The following RNF24 variants were observed in gnomAD, a reference collection of about 807,000 sequenced individuals.
The protein encoded by RNF24 is ring finger protein 24.
Under a neutral mutation model 20.0 loss-of-function variants are expected in RNF24, and 14 were observed. The observed-to-expected ratio is 0.70, with a 90% CI of 0.46 to 1.10. The LOEUF is 1.10. Among genes scored for constraint, RNF24 ranks in the 50% least tolerant of loss-of-function variants. The pLI is 0.00. For missense variants in RNF24, 124 were observed against 177.6 expected (o/e 0.70, Z 1.71); for synonymous variants, 45 against 61.1 (o/e 0.74, Z 1.23).
chr20:4,001,128 G>A (rs961499256), intron 1 of RNF24, among the ~76,000 whole-genome samples: 9 of 152,054 alleles, frequency 5.9e-5, no homozygotes, highest in Non-Finnish European at 1.3e-4. Context: ...TTAGCCGGGC[G>A]TGGTGGCGTG....
chr20:3,953,899 G>C (rs533423886), intron 2 of RNF24, among the ~76,000 whole-genome samples: 113 of 151,258 alleles, frequency 7.5e-4, no homozygotes, highest in African/African-American at 2.5e-3. Flanking sequence ...TGAGAATACA[G>C]GTGTGTGCCA....
chr20:3,992,023 G>C (rs1290756742), intron 1 of RNF24, among the ~76,000 whole-genome samples: 1 of 152,062 alleles, frequency 6.6e-6, no homozygotes, highest in Non-Finnish European at 1.5e-5. Flanking sequence ...TGTACTCCTT[G>C]AGCGCAGAAT....
chr20:3,991,841 A>G (rs1778188993), intron 1 of RNF24, among the ~76,000 whole-genome samples: 1 of 152,116 alleles, frequency 6.6e-6, no homozygotes, highest in Non-Finnish European at 1.5e-5. Context: ...TATCTCTCGA[A>G]TGACAGTAAA....
At chr20:3,989,246 C>CT in intron 1 of RNF24, among the ~76,000 whole-genome samples, 1 of 152,226 alleles carries the variant, frequency 6.6e-6, no homozygotes, top group Middle Eastern at 3.4e-3. Context: ...AATCCCAGCA[C>CT]TTTAGGAGGC....
At chr20:3,980,264 C>T (rs1012272002) in intron 1 of RNF24, among the ~76,000 whole-genome samples, 2 of 152,224 alleles carry the variant, frequency 1.3e-5, no homozygotes, top group African/African-American at 4.8e-5. Context: ...GATAAGTAGT[C>T]TGCTATGTAC....
intron 1 of RNF24, among the ~76,000 whole-genome samples, chr20:4,006,241 T>C (rs1981859785): frequency 6.6e-6 from 1 of 152,034 alleles, no homozygotes; most frequent in African/African-American, 2.4e-5. Context: ...TGGTGGCGCA[T>C]GCCTGTAATC....
intron 1 of RNF24, among the ~76,000 whole-genome samples, chr20:4,006,579 A>C (rs1037280328): frequency 6.6e-6 from 1 of 152,240 alleles, no homozygotes; most frequent in Admixed American, 6.5e-5. Context: ...ACTACAGTTC[A>C]TTGCAACTTT....
chr20:3,996,884 T>C (rs189583718), intron 1 of RNF24, among the ~76,000 whole-genome samples: 22 of 152,216 alleles, frequency 1.4e-4, no homozygotes, highest in Middle Eastern at 3.4e-3. Flanking sequence ...CCTGATGCCA[T>C]GAAGCTCCAT....
chr20:3,950,965 T>A (rs546821075), intron 2 of RNF24, among the ~76,000 whole-genome samples: 4 of 152,188 alleles, frequency 2.6e-5, no homozygotes, highest in Admixed American at 6.5e-5. Context: ...ATTTTTTGTT[T>A]GTTTTTTGGA....
intron 1 of RNF24, among the ~76,000 whole-genome samples, chr20:4,006,159 C>T (rs1466620439): frequency 1.3e-5 from 2 of 152,006 alleles, no homozygotes; most frequent in Admixed American, 6.5e-5. Context: ...GGTAGAACAC[C>T]TGAGGTCAAG....
At chr20:3,992,801 AAAGGC>A (rs1980560741) in intron 1 of RNF24, among the ~76,000 whole-genome samples, 1 of 152,228 alleles carries the variant, frequency 6.6e-6, no homozygotes, top group Non-Finnish European at 1.5e-5. Flanking sequence ...TCCAAAGCAA[AAAGGC>A]TAGACATTGG....
At chr20:3,948,567 T>C (rs1026148778) in intron 2 of RNF24, among the ~76,000 whole-genome samples, 8 of 152,112 alleles carry the variant, frequency 5.3e-5, no homozygotes, top group Non-Finnish European at 8.8e-5. Context: ...TTAGAAAAAA[T>C]TTAAGTATAA....
chr20:3,955,199 G>A (rs1252562442), intron 2 of RNF24, among the ~76,000 whole-genome samples: 1 of 152,022 alleles, frequency 6.6e-6, no homozygotes, highest in Non-Finnish European at 1.5e-5. Flanking sequence ...TTTTAAATTG[G>A]GTTGTCTTTT....
At chr20:3,979,814 T>C (rs978472824) in intron 1 of RNF24, among the ~76,000 whole-genome samples, 5 of 152,170 alleles carry the variant, frequency 3.3e-5, no homozygotes, top group African/African-American at 1.2e-4. Context: ...ACCTTCAACA[T>C]GGGAAAAGTA....
At chr20:3,936,554 G>A (rs1483172125) in intron 4 of RNF24, among the ~76,000 whole-genome samples, 1 of 152,196 alleles carries the variant, frequency 6.6e-6, no homozygotes, top group East Asian at 1.9e-4. Context: ...CAAGCTGTGG[G>A]TAAAGGTAAA....
chr20:3,941,827 CA>C (rs1236054733), intron 4 of RNF24, among the ~76,000 whole-genome samples: 1 of 152,122 alleles, frequency 6.6e-6, no homozygotes, highest in Non-Finnish European at 1.5e-5. Flanking sequence ...GTAATCCCAG[CA>C]CCTAAGAGGC....
chr20:3,932,692 C>T lies in RNF24; in HGVS notation c.*1371G>A. 2.6e-6 allele frequency: 1 copy of T among 384,504 alleles called. No individual in the cohort carries two copies. Among genetic ancestry groups the T allele is most frequent in the Non-Finnish European group, 4.6e-6 (1 of 217,794 alleles). 23.8% of individuals were successfully genotyped at this position (384,504 alleles called of 1,614,324 possible). On this transcript the variant is annotated 3_prime_UTR_variant, in exon 6 of 6. Coordinates refer to ENST00000358395, the MANE Select transcript of RNF24 (RefSeq NM_001134337.3). ...CTCACACCTGTGGGATGGAGTGGAG[C>T]AAAGCAGTTGACGAGGAATTGAGGC...
At chr20:3,994,179 C>T (rs1600705393) in intron 1 of RNF24, among the ~76,000 whole-genome samples, 1 of 152,160 alleles carries the variant, frequency 6.6e-6, no homozygotes, top group Admixed American at 6.6e-5. Context: ...TATTACAAAC[C>T]TCCTTTGGGA....
intron 1 of RNF24, chr20:3,974,211 G>A: frequency 2.2e-6 from 2 of 927,628 alleles, no homozygotes; most frequent in Non-Finnish European, 1.5e-6. Context: ...AAATGGAAGA[G>A]AACTTCTTCA....
Sources: gnomAD v4.1 joint callset for allele counts (sites outside exome capture counted in the v4.1 genomes callset) on GRCh38, gnomAD v4.1.1 for gene constraint, MANE v1.5 for transcripts, NCBI Gene and HGNC (gene_info 2026-07-23, HGNC 2026-07-21) for gene names.